Variants in PPP2R2A observed in about 807,000 individuals in gnomAD.
PPP2R2A encodes the protein protein phosphatase 2 regulatory subunit Balpha, also known as serine/threonine-protein phosphatase 2A 55 kDa regulatory subunit B alpha isoform.
A neutral mutation model predicts 53.2 loss-of-function variants in PPP2R2A; 9 were observed. That is an observed-to-expected ratio of 0.17 (90% confidence interval 0.10 to 0.30). PPP2R2A has a LOEUF of 0.30. Ranked by LOEUF, PPP2R2A falls within the 10% of genes least tolerant of loss-of-function variation. The pLI is 1.00. For missense variants in PPP2R2A, 235 were observed against 534.6 expected, an observed-to-expected ratio of 0.44 and a Z score of 5.53; for synonymous variants, 169 against 174.2, an observed-to-expected ratio of 0.97 and a Z score of 0.23.
At position 26,338,842 on chromosome 8, in the gene PPP2R2A, C is replaced by T. The variant is rs746849855; in HGVS notation, c.83-48C>T. 16 of 1,334,012 alleles carry T rather than the reference C, an allele frequency of 1.2e-5. No homozygotes were observed. The highest frequency in any genetic ancestry group is 1.2e-4 in the East Asian group (5 of 41,948). 82.6% of individuals were successfully genotyped at this position (1,334,012 alleles called of 1,614,324 possible). A position where few individuals can be genotyped will look rare whatever the true frequency, so the allele number is the denominator to read the frequency against. ...ACGCTAAGTTCTGAAACTAGTGAGT[C>T]GGGAAAGAAAAACTAATATCTTTTT... On this transcript the variant is annotated intron_variant, in intron 2 of 9. Coordinates refer to ENST00000380737, the MANE Select transcript of PPP2R2A (RefSeq NM_002717.4). The surrounding 1 kb of genome is among the most constrained non-coding windows in gnomAD (Gnocchi z 4.5).
chr8:26,322,757 G>A (rs1446349488), intron 2 of PPP2R2A, among the ~76,000 whole-genome samples: 1 of 152,184 alleles, frequency 6.6e-6, no homozygotes, highest in African/African-American at 2.4e-5. Flanking sequence ...TTAAGAGGAT[G>A]CCCTTCTTAA....
chr8:26,345,752 G>C (rs149118736), intron 3 of PPP2R2A, among the ~76,000 whole-genome samples: 1 of 152,230 alleles, frequency 6.6e-6, no homozygotes, highest in Non-Finnish European at 1.5e-5. Flanking sequence ...TAGCAACTTG[G>C]TGATTGAAAA....
intron 2 of PPP2R2A, among the ~76,000 whole-genome samples, chr8:26,337,507 A>G (rs900012462): frequency 6.6e-6 from 1 of 152,164 alleles, no homozygotes; most frequent in African/African-American, 2.4e-5. Context: ...GACTTTGTAT[A>G]TTTTTAATCC....
In PPP2R2A at chr8:26,360,848, T is replaced by G. The variant is rs1805046554; in HGVS notation, c.460-126T>G. The stretch of plus-strand genomic sequence containing the variant: ...ATCAACATCAGTTGCTTTTTAAAAC[T>G]AAATCTATGTAATATTGTTCTATTT... On this transcript the variant is annotated intron_variant, in intron 5 of 9. Coordinates refer to ENST00000380737, the MANE Select transcript of PPP2R2A (RefSeq NM_002717.4). The surrounding 1 kb of genome is among the most constrained non-coding windows in gnomAD (Gnocchi z 4.5). 2 of 894,578 alleles carry G rather than the reference T, an allele frequency of 2.2e-6. No individual in the cohort carries two copies. The highest frequency in any genetic ancestry group is 7.2e-5 in the Admixed American group (2 of 27,818). The allele number at this position is 894,578 out of a possible 1,614,324, so 55.4% of individuals were successfully genotyped here.
At chr8:26,337,175 TA>T (rs1481255545) in intron 2 of PPP2R2A, among the ~76,000 whole-genome samples, 4 of 152,270 alleles carry the variant, frequency 2.6e-5, no homozygotes, top group Non-Finnish European at 5.9e-5. Context: ...GCTGAGAGCA[TA>T]TTCTAGAGAT....
chr8:26,362,025 T>TAGATTAAGATTAATCTTAAGATTAGATTA lies in PPP2R2A; in HGVS notation c.638-651_638-623dup. The stretch of plus-strand genomic sequence containing the variant: ...ATTGATATTAAGATTAGATTAAGAT[T>TAGATTAAGATTAATCTTAAGATTAGATTA]AGATTAAGATTAATCTTAAGATTAG... On this transcript the variant is annotated intron_variant, in intron 6 of 9. Coordinates refer to ENST00000380737, the MANE Select transcript of PPP2R2A (RefSeq NM_002717.4). This position sits in a 1 kb window ranked among gnomAD's most constrained non-coding sequence, Gnocchi z 4.4. Among the ~76,000 whole-genome samples, 1 of 140,710 alleles carries TAGATTAAGATTAATCTTAAGATTAGATTA rather than the reference T, an allele frequency of 7.1e-6. No homozygotes were observed. Among genetic ancestry groups the TAGATTAAGATTAATCTTAAGATTAGATTA allele is most frequent in the Admixed American group, 7.1e-5 (1 of 14,116 alleles). 92.3% of individuals were successfully genotyped at this position (140,710 alleles called of 152,430 possible).
At chr8:26,363,940 T>C in intron 8 of PPP2R2A, 50 bp downstream of exon 8, 1 of 1,449,164 alleles carries the variant, frequency 6.9e-7, no homozygotes, top group Non-Finnish European at 9.3e-7. Flanking sequence ...TACTTTGAAG[T>C]GTTTATAGAG....
In PPP2R2A at chr8:26,360,677, T is replaced by G. The variant is rs1585406765; in HGVS notation, c.460-297T>G. 2.9e-6 allele frequency: 1 copy of G among 349,502 alleles called. No individual in the cohort carries two copies. 21.7% of individuals were successfully genotyped at this position (349,502 alleles called of 1,614,324 possible). ...TGGGTTAATTTTCTTTTTAGCCTCTTTAATCTGAACCATAAACATTTATTA... is the reference window on the plus strand; with the variant it reads ...TGGGTTAATTTTCTTTTTAGCCTCTGTAATCTGAACCATAAACATTTATTA... On this transcript the variant is annotated intron_variant, in intron 5 of 9. Coordinates refer to ENST00000380737, the MANE Select transcript of PPP2R2A (RefSeq NM_002717.4). This position sits in a 1 kb window ranked among gnomAD's most constrained non-coding sequence, Gnocchi z 4.5.
At chr8:26,319,392 T>A (rs1802720311) in intron 2 of PPP2R2A, among the ~76,000 whole-genome samples, 1 of 152,162 alleles carries the variant, frequency 6.6e-6, no homozygotes, top group East Asian at 1.9e-4. Context: ...CATACTGTTT[T>A]CCATAGTGGC....
chr8:26,361,964 AAAATATATATATATAGATTT>A (rs1805110049), intron 6 of PPP2R2A, among the ~76,000 whole-genome samples: 1 of 149,982 alleles, frequency 6.7e-6, no homozygotes. Context: ...TCTGTCTCAA[AAAATATATATATATAGATTT>A]ATATATATTA....
Position 26,362,556 on chromosome 8 carries a change from A to G in PPP2R2A, c.638-128A>G, listed in dbSNP as rs1805164243. On this transcript the variant is annotated intron_variant, in intron 6 of 9. Transcript: ENST00000380737. The surrounding 1 kb of genome is among the most constrained non-coding windows in gnomAD (Gnocchi z 4.4). ...ATCCCTTTGGAATTTATACTCATAA[A>G]AACAGTGGAGTGCAATTCAGAATTA... 3 of 847,252 alleles carry G rather than the reference A, an allele frequency of 3.5e-6. No homozygotes were observed. The highest frequency in any genetic ancestry group is 5.4e-6 in the Non-Finnish European group (3 of 557,742). 52.5% of individuals were successfully genotyped at this position (847,252 alleles called of 1,614,324 possible).
intron 2 of PPP2R2A, among the ~76,000 whole-genome samples, chr8:26,313,952 C>CA (rs1232010739): frequency 6.6e-6 from 1 of 152,200 alleles, no homozygotes; most frequent in Non-Finnish European, 1.5e-5. Context: ...ATAGGAAACT[C>CA]ACGCAGGAGT....
intron 3 of PPP2R2A, among the ~76,000 whole-genome samples, chr8:26,352,919 G>A (rs1028511043): frequency 2.8e-4 from 42 of 152,114 alleles, no homozygotes; most frequent in African/African-American, 1.0e-3. Flanking sequence ...TGAATGTGGG[G>A]ATTCTGTCTA....
chr8:26,351,771 A>G (rs534134389), intron 3 of PPP2R2A, among the ~76,000 whole-genome samples: 1 of 152,190 alleles, frequency 6.6e-6, no homozygotes, highest in African/African-American at 2.4e-5. Context: ...TTTCATTGGC[A>G]CATTGGTGTA....
Position 26,370,026 on chromosome 8 carries a change from T to G in PPP2R2A, c.1065-108T>G. On this transcript the variant is annotated intron_variant, in intron 9 of 9. Coordinates refer to ENST00000380737, the MANE Select transcript of PPP2R2A (RefSeq NM_002717.4). This position sits in a 1 kb window ranked among gnomAD's most constrained non-coding sequence, Gnocchi z 6.1. ...TGTCAACAGCCCCTGTCCCTTAGTT[T>G]AAATCTGCTTTTGAAGTAGCTTCCT... The G allele has an allele frequency of 1.7e-6, 2 of 1,200,836 alleles. No individual in the cohort carries two copies. Among genetic ancestry groups the G allele is most frequent in the South Asian group, 1.5e-5 (1 of 67,688 alleles). 74.4% of individuals were successfully genotyped at this position (1,200,836 alleles called of 1,614,324 possible).
rs746658747 is a variant in PPP2R2A at position 26,362,881 on chromosome 8, A to G, written c.802+33A>G. ...TATTGTATCTTTCCTTAAAATGATT[A>G]CATATTCTGTTTGTCTGAAATAAGC... is the stretch of plus-strand genomic sequence containing the variant. On this transcript the variant is annotated intron_variant, in intron 7 of 9. Coordinates refer to ENST00000380737, the MANE Select transcript of PPP2R2A (RefSeq NM_002717.4). This position sits in a 1 kb window ranked among gnomAD's most constrained non-coding sequence, Gnocchi z 4.4. The G allele has an allele frequency of 3.8e-6, 6 of 1,586,978 alleles. No individual in the cohort carries two copies. In the South Asian group the frequency reaches 6.7e-5, roughly 18 times the overall value.
At chr8:26,345,211 A>G (rs899497850) in intron 3 of PPP2R2A, among the ~76,000 whole-genome samples, 2 of 152,324 alleles carry the variant, frequency 1.3e-5, no homozygotes, top group South Asian at 2.1e-4. Flanking sequence ...CTCCAAATCT[A>G]TGAAATTAAT....
At chr8:26,317,714 T>C (rs1802627650) in intron 2 of PPP2R2A, among the ~76,000 whole-genome samples, 1 of 152,240 alleles carries the variant, frequency 6.6e-6, no homozygotes. Flanking sequence ...ATATGTATTA[T>C]TGACCAAACT....
At chr8:26,315,028 G>T (rs540216334) in intron 2 of PPP2R2A, among the ~76,000 whole-genome samples, 2 of 152,004 alleles carry the variant, frequency 1.3e-5, no homozygotes, top group South Asian at 2.1e-4. Context: ...AATAATGTTG[G>T]TGGTGGTAGT....
Sources: gnomAD v4.1 joint callset for allele counts (sites outside exome capture counted in the v4.1 genomes callset) on GRCh38, gnomAD v4.1.1 for gene constraint, Gnocchi (gnomAD v3.1) non-coding constraint, MANE v1.5 for transcripts, NCBI Gene and HGNC (gene_info 2026-07-23, HGNC 2026-07-21) for gene names.